The following FANCA variants were observed in gnomAD, a reference collection of about 807,000 sequenced individuals.
FANCA encodes Fanconi anemia group A protein.
Under a neutral mutation model 194.3 loss-of-function variants are expected in FANCA, and 236 were observed. That is an observed-to-expected ratio of 1.21 (90% confidence interval 1.09 to 1.35). The LOEUF is 1.35. FANCA is among the 40% of genes most tolerant of loss of function. FANCA has a pLI of 0.00. For synonymous variants in FANCA, 1,014 were observed against 715.8 expected (o/e 1.42, Z -6.65); for missense variants, 2,628 against 1,813.9 (o/e 1.45, Z -8.15).
chr16:89,779,378 G>C (rs1342891592), intron 18 of FANCA, among the ~76,000 whole-genome samples: 1 of 152,068 alleles, frequency 6.6e-6, no homozygotes, highest in Non-Finnish European at 1.5e-5. Context: ...AAGATGTTTT[G>C]AGATCATACC....
chr16:89,811,062 A>T lies in FANCA; in HGVS notation c.293T>A (p.Leu98Ter). 1 of 1,614,050 alleles carries T rather than the reference A, an allele frequency of 6.2e-7. No homozygotes were observed. Among genetic ancestry groups the T allele is most frequent in the Non-Finnish European group, 8.5e-7 (1 of 1,180,044 alleles). The change falls in exon 4 of 43, where the codon TTG becomes TAG. Residue 98 changes from leucine to a stop codon, truncating the protein, a stop_gained. Coordinates refer to ENST00000389301, the MANE Select transcript of FANCA (RefSeq NM_000135.4). LOFTEE classifies it high-confidence loss of function. ...NHSSSFIGSA[L>*]QDQASRLGVP... Reference sequence around the variant, plus strand: ...CCCCAGCCTTGAGGCTTGATCCTGCAAAGCAGAGCCTTAAACACAAAACAA... The same window carrying T: ...CCCCAGCCTTGAGGCTTGATCCTGCTAAGCAGAGCCTTAAACACAAAACAA...
At chr16:89,816,391 A>G (rs1478590901) in intron 1 of FANCA, 146 bp downstream of exon 1, 5 of 586,294 alleles carry the variant, frequency 8.5e-6, no homozygotes, top group Non-Finnish European at 1.2e-5. Flanking sequence ...GCGCCGCCCC[A>G]GCCGGGCGCC....
At chr16:89,770,331 C>T in intron 24 of FANCA, 72 bp from the exon 25 acceptor site, 1 of 1,355,300 alleles carries the variant, frequency 7.4e-7, no homozygotes, top group Non-Finnish European at 1.0e-6. Flanking sequence ...GCTAATCCAA[C>T]CACCAGCGGC....
chr16:89,752,491 C>T (rs1228431704), intron 30 of FANCA, among the ~76,000 whole-genome samples: 1 of 152,206 alleles, frequency 6.6e-6, no homozygotes, highest in Non-Finnish European at 1.5e-5. Flanking sequence ...AGGCAAGAGA[C>T]AGAGGACACG....
chr16:89,769,618 A>G, intron 26 of FANCA: 1 of 614,734 alleles, frequency 1.6e-6, no homozygotes, highest in South Asian at 1.9e-5. Context: ...TCAGCAGTTT[A>G]GTATAATATG....
chr16:89,751,239 G>A (rs529480749), intron 31 of FANCA, among the ~76,000 whole-genome samples: 4 of 152,196 alleles, frequency 2.6e-5, no homozygotes, highest in South Asian at 2.1e-4. Context: ...AGTGGCTCAC[G>A]CCTGTAATCC....
chr16:89,746,579 C>T lies in FANCA; in HGVS notation c.3513+5G>A, dbSNP rs767799452. ...ACAAAACACCAAACAAGACAGCTGA[C>T]CCACCAGAGCAGAGGTCAAAATTAA... On this transcript the variant is annotated splice_donor_5th_base_variant and intron_variant, in intron 35 of 42. Coordinates refer to ENST00000389301, the MANE Select transcript of FANCA (RefSeq NM_000135.4). The T allele has an allele frequency of 1.9e-6, 3 of 1,613,112 alleles. No homozygotes were observed. The highest frequency in any genetic ancestry group is 1.1e-5 in the South Asian group (1 of 91,026).
intron 10 of FANCA, among the ~76,000 whole-genome samples, chr16:89,796,285 A>G (rs2040243713): frequency 6.6e-6 from 1 of 151,836 alleles, no homozygotes. Context: ...GCCGCGCCAC[A>G]CCCGGGAGTG....
chr16:89,761,850 T>C, intron 29 of FANCA, 99 bp downstream of exon 29: 2 of 965,476 alleles, frequency 2.1e-6, no homozygotes, highest in South Asian at 1.3e-5. Flanking sequence ...GACCTCAAAC[T>C]CCTGGATTCA....
intron 21 of FANCA, among the ~76,000 whole-genome samples, chr16:89,773,867 G>T (rs992369243): frequency 6.6e-6 from 1 of 151,566 alleles, no homozygotes; most frequent in African/African-American, 2.4e-5. Context: ...CCGCCTCCCG[G>T]GTTCAAATCA....
In FANCA at chr16:89,791,997, G is replaced by C. The variant is rs764376090; in HGVS notation, c.1155C>G (p.His385Gln). The change falls in exon 13 of 43, where the codon CAC becomes CAG. Residue 385 changes from histidine to glutamine, a missense_variant. Coordinates refer to ENST00000389301, the MANE Select transcript of FANCA (RefSeq NM_000135.4). ...ACACAAAGGAGAGCACTCTCTGCCAGTGAACCTCCTGCGTTTCCAGAACTT... is the reference window on the plus strand; with the variant it reads ...ACACAAAGGAGAGCACTCTCTGCCACTGAACCTCCTGCGTTTCCAGAACTT... The part of the protein sequence containing the change: ...LQEVLETQEV[H>Q]WQRVLSFVSA... 6 of 1,614,198 alleles carry C rather than the reference G, an allele frequency of 3.7e-6. No homozygotes were observed. The highest frequency in any genetic ancestry group is 3.3e-5 in the South Asian group (3 of 91,084).
intron 8 of FANCA, among the ~76,000 whole-genome samples, chr16:89,800,238 G>C (rs2040397979): frequency 6.6e-6 from 1 of 152,322 alleles, no homozygotes; most frequent in East Asian, 1.9e-4. Flanking sequence ...CTTGAATCTG[G>C]GCTGTGGAAC....
chr16:89,795,860 A>C, intron 11 of FANCA, 46 bp downstream of exon 11: 1 of 1,415,628 alleles, frequency 7.1e-7, no homozygotes, highest in Non-Finnish European at 1.0e-6. Flanking sequence ...GGCAACAGCA[A>C]TCCCCAAAAT....
intron 11 of FANCA, among the ~76,000 whole-genome samples, chr16:89,793,569 T>C (rs2040148858): frequency 6.6e-6 from 1 of 152,190 alleles, no homozygotes; most frequent in Non-Finnish European, 1.5e-5. Context: ...CCTCGGTCTC[T>C]TGCCTTGGTG....
intron 14 of FANCA, among the ~76,000 whole-genome samples, chr16:89,785,793 C>A (rs2039873582): frequency 1.3e-5 from 2 of 151,844 alleles, no homozygotes; most frequent in Admixed American, 1.3e-4. Flanking sequence ...TATCAGGAAA[C>A]CTGAACTCCA....
In FANCA at chr16:89,738,684, C is replaced by T. The variant is rs748856769; in HGVS notation, c.4285G>A (p.Asp1429Asn). 1.4e-5 allele frequency: 22 copies of T among 1,613,796 alleles called. No homozygotes were observed. The highest frequency in any genetic ancestry group is 1.7e-5 in the Non-Finnish European group (20 of 1,180,014). ...AELLADRGDC[D>N]PEVSAALQSR... is the part of the protein sequence containing the mutation. Reference sequence around the variant, plus strand: ...TGGAGGGCGGCGCTCACCTCTGGGTCGCAGTCCCCACGATCAGCCAGCAGC... The same window carrying T: ...TGGAGGGCGGCGCTCACCTCTGGGTTGCAGTCCCCACGATCAGCCAGCAGC... Residue 1429 changes from aspartate to asparagine, a missense_variant, in exon 43 of 43, where the codon GAC becomes AAC. Coordinates refer to ENST00000389301, the MANE Select transcript of FANCA (RefSeq NM_000135.4).
chr16:89,811,166 C>G, intron 3 of FANCA, 95 bp from the exon 4 acceptor site: 1 of 1,526,436 alleles, frequency 6.6e-7, no homozygotes. Flanking sequence ...TTTTAAGATG[C>G]AGCACAAAAA....
At chr16:89,749,703 C>A (rs2143137363) in intron 32 of FANCA, 27 bp downstream of exon 32, 1 of 1,604,530 alleles carries the variant, frequency 6.2e-7, no homozygotes. Flanking sequence ...GGTGGTGCTG[C>A]CCTGCCCAGG....
In FANCA at chr16:89,806,754, TAC is replaced by T. The variant is rs576814397; in HGVS notation, c.597-1364_597-1363del. ...AAAGTCTCCCGTGTCTACTTCTTTC[TAC>T]ACAGACACAGCAACCATCTGATTTC... On this transcript the variant is annotated intron_variant, in intron 6 of 42. Transcript: ENST00000389301. Among the ~76,000 whole-genome samples, 1,114 of 152,336 alleles carry T rather than the reference TAC, an allele frequency of 7.3e-3. 10 individuals carry two copies. The highest frequency in any genetic ancestry group is 0.012 in the Non-Finnish European group (805 of 68,028).
Sources: allele counts gnomAD v4.1 joint callset (sites outside exome capture counted in the v4.1 genomes callset), GRCh38; gene constraint gnomAD v4.1.1; transcripts MANE v1.5; gene names NCBI Gene and HGNC (gene_info 2026-07-23, HGNC 2026-07-21).